Variants in OPCML observed in about 807,000 individuals in gnomAD.
OPCML encodes the protein opioid-binding protein/cell adhesion molecule.
A neutral mutation model predicts 37.8 loss-of-function variants in OPCML; 13 were observed. The observed-to-expected ratio is 0.34, with a 90% CI of 0.22 to 0.55. The LOEUF (loss-of-function observed/expected upper bound fraction) is 0.55. OPCML is among the 20% of genes least tolerant of loss of function. OPCML has a pLI of 0.91. For missense variants in OPCML, 341 were observed against 435.6 expected (o/e 0.78, Z 1.93); for synonymous variants, 176 against 168.8 (o/e 1.04, Z -0.33).
chr11:132,845,774 T>A (rs771561237), intron 2 of OPCML, among the ~76,000 whole-genome samples: 5 of 152,156 alleles, frequency 3.3e-5, no homozygotes, highest in Non-Finnish European at 7.4e-5. Flanking sequence ...TGTCTTTCAC[T>A]CTCTCTCTCT....
intron 1 of OPCML, among the ~76,000 whole-genome samples, chr11:133,380,326 G>C (rs1944904455): frequency 6.6e-6 from 1 of 152,172 alleles, no homozygotes; most frequent in Non-Finnish European, 1.5e-5. Context: ...CAGAATTTTA[G>C]TTTTGAAAGG....
At chr11:132,961,877 C>A (rs1946099817) in intron 1 of OPCML, among the ~76,000 whole-genome samples, 1 of 152,224 alleles carries the variant, frequency 6.6e-6, no homozygotes, top group African/African-American at 2.4e-5. Flanking sequence ...ACAAGTCTTG[C>A]CTCTAAGGTC....
intron 3 of OPCML, among the ~76,000 whole-genome samples, chr11:132,587,772 A>G (rs1240899373): frequency 6.6e-6 from 1 of 152,138 alleles, no homozygotes. Flanking sequence ...GGCTTCTTAA[A>G]ATTGCAGCTG....
At chr11:133,162,318 G>A (rs1565480456) in intron 1 of OPCML, among the ~76,000 whole-genome samples, 1 of 152,224 alleles carries the variant, frequency 6.6e-6, no homozygotes, top group Non-Finnish European at 1.5e-5. Context: ...GCACTCTCAG[G>A]GCTGGTGAGC....
rs529731226 is a variant in OPCML, at chr11:132,994,252, G to T, written c.62-51242C>A. On this transcript the variant is annotated intron_variant, in intron 1 of 7. Transcript: ENST00000524381. ...CAGGAGCCGGCGCGCGCGGGAGCACGTCCGGGGCTTTTACGGCCGGAACTC... is the reference window on the plus strand; with the variant it reads ...CAGGAGCCGGCGCGCGCGGGAGCACTTCCGGGGCTTTTACGGCCGGAACTC... 1.5e-4 allele frequency among the ~76,000 whole-genome samples: 23 copies of T among 152,316 alleles called. No homozygotes were observed. In the East Asian group the frequency reaches 4.4e-3, roughly 29 times the overall value.
intron 1 of OPCML, among the ~76,000 whole-genome samples, chr11:133,418,838 T>C (rs1945821337): frequency 6.6e-6 from 1 of 152,170 alleles, no homozygotes; most frequent in African/African-American, 2.4e-5. Context: ...ATAGATAACA[T>C]CACTATTTTA....
At chr11:133,374,519 T>C (rs1944755701) in intron 1 of OPCML, among the ~76,000 whole-genome samples, 1 of 152,230 alleles carries the variant, frequency 6.6e-6, no homozygotes, top group South Asian at 2.1e-4. Flanking sequence ...AGGAAAATGC[T>C]GTGGGGAGCA....
intron 2 of OPCML, among the ~76,000 whole-genome samples, chr11:132,807,118 T>A (rs1445680583): frequency 6.6e-6 from 1 of 152,014 alleles, no homozygotes; most frequent in Non-Finnish European, 1.5e-5. Context: ...TGTAAGTAGA[T>A]AAAGAAGAAA....
intron 4 of OPCML, among the ~76,000 whole-genome samples, chr11:132,479,821 G>T (rs1352539102): frequency 6.6e-6 from 1 of 152,188 alleles, no homozygotes; most frequent in African/African-American, 2.4e-5. Context: ...GGTCCTGTTA[G>T]AAGGAAAACT....
intron 1 of OPCML, among the ~76,000 whole-genome samples, chr11:132,982,474 A>G (rs1377171619): frequency 6.6e-6 from 1 of 151,698 alleles, no homozygotes; most frequent in African/African-American, 2.4e-5. Flanking sequence ...TCGTTGGACA[A>G]GACAAGAAAG....
At position 132,735,139 on chromosome 11, in the gene OPCML, T is replaced by C. The variant is rs1407545082; in HGVS notation, c.147-77820A>G. 3.3e-5 allele frequency among the ~76,000 whole-genome samples: 5 copies of C among 152,262 alleles called. No individual in the cohort carries two copies. The Middle Eastern group carries it at 0.01, about 311-fold the overall frequency. On this transcript the variant is annotated intron_variant, in intron 2 of 7. Coordinates refer to ENST00000524381, the MANE Select transcript of OPCML (RefSeq NM_001012393.5). ...GGACCCAGAGCGTACTGGTTTTGAA[T>C]ACTCCCAGAATCTCTAGATGGTGCT...
chr11:132,923,755 ATTTTTTTTTT>A (rs71038509), intron 2 of OPCML, among the ~76,000 whole-genome samples: 162 of 92,108 alleles, frequency 1.8e-3, no homozygotes, highest in African/African-American at 7.0e-3. Context: ...AGTTACTTGA[ATTTTTTTTTT>A]TTTTTTTTTT....
chr11:132,944,045 G>GCCCA (rs1409838571), intron 1 of OPCML, among the ~76,000 whole-genome samples: 5 of 151,696 alleles, frequency 3.3e-5, no homozygotes, highest in Non-Finnish European at 7.4e-5. Flanking sequence ...ACGGGCGGGC[G>GCCCA]CCCACCTTAA....
intron 1 of OPCML, among the ~76,000 whole-genome samples, chr11:133,308,592 C>T (rs1310277108): frequency 1.3e-5 from 2 of 152,116 alleles, no homozygotes; most frequent in Non-Finnish European, 2.9e-5. Context: ...AGTTAGTCCA[C>T]ATCCGTACAT....
intron 2 of OPCML, among the ~76,000 whole-genome samples, chr11:132,901,957 A>G (rs1944077223): frequency 6.6e-6 from 1 of 152,216 alleles, no homozygotes; most frequent in South Asian, 2.1e-4. Flanking sequence ...AACCACCAAC[A>G]GGATGATGAA....
chr11:132,964,434 T>C (rs896999110), intron 1 of OPCML, among the ~76,000 whole-genome samples: 3 of 152,186 alleles, frequency 2.0e-5, no homozygotes, highest in Non-Finnish European at 4.4e-5. Context: ...TGAGTAACTA[T>C]AAGAACTGAA....
intron 4 of OPCML, among the ~76,000 whole-genome samples, chr11:132,473,207 G>A (rs753926300): frequency 1.3e-5 from 2 of 152,230 alleles, no homozygotes; most frequent in Non-Finnish European, 2.9e-5. Context: ...CCCAGCCAAT[G>A]TGCAGCTTTG....
intron 2 of OPCML, among the ~76,000 whole-genome samples, chr11:132,923,740 A>C (rs1944890303): frequency 6.7e-6 from 1 of 149,880 alleles, no homozygotes; most frequent in Non-Finnish European, 1.5e-5. Context: ...GCGAAGTATC[A>C]CAGAAGTTAC....
At chr11:133,422,039 A>T (rs1214774493) in intron 1 of OPCML, 2 of 581,722 alleles carry the variant, frequency 3.4e-6, no homozygotes, top group African/African-American at 4.1e-5. Context: ...ACATAGGTGT[A>T]TACGTGCCAT....
Sources: allele counts gnomAD v4.1 joint callset (sites outside exome capture counted in the v4.1 genomes callset), GRCh38; gene constraint gnomAD v4.1.1; transcripts MANE v1.5; gene names NCBI Gene and HGNC (gene_info 2026-07-23, HGNC 2026-07-21).